Variants in EPB41L1 observed in about 807,000 individuals in gnomAD.
EPB41L1 encodes the protein band 4.1-like protein 1.
Under a neutral mutation model 97.8 loss-of-function variants are expected in EPB41L1, and 29 were observed. The ratio of observed to expected loss-of-function variants is 0.30; its 90% CI spans 0.22 to 0.40. The LOEUF (loss-of-function observed/expected upper bound fraction) is 0.40. Among genes scored for constraint, EPB41L1 ranks in the 10% least tolerant of loss-of-function variants. The pLI is 1.00. For synonymous variants in EPB41L1, 383 were observed against 459.2 expected, an observed-to-expected ratio of 0.83 and a Z score of 2.12; for missense variants, 812 against 1,162.3, an observed-to-expected ratio of 0.70 and a Z score of 4.38.
At chr20:36,124,925 G>A (rs1422191662) in intron 2 of EPB41L1, among the ~76,000 whole-genome samples, 4 of 152,138 alleles carry the variant, frequency 2.6e-5, no homozygotes, top group African/African-American at 9.7e-5. Context: ...TGCATACATG[G>A]TGGGTAGGGG....
At chr20:36,222,961 A>G (rs375042030) in intron 21 of EPB41L1, among the ~76,000 whole-genome samples, 3 of 152,282 alleles carry the variant, frequency 2.0e-5, no homozygotes, top group African/African-American at 4.8e-5. Context: ...CAGTGGTACA[A>G]TCTTGACTCA....
At chr20:36,211,689 A>C (rs1397064070) in intron 15 of EPB41L1, among the ~76,000 whole-genome samples, 1 of 152,310 alleles carries the variant, frequency 6.6e-6, no homozygotes, top group South Asian at 2.1e-4. Flanking sequence ...CCCCGTCTCT[A>C]CTAAAAATAC....
At chr20:36,184,094 G>A (rs1032660851) in intron 6 of EPB41L1, among the ~76,000 whole-genome samples, 2 of 152,120 alleles carry the variant, frequency 1.3e-5, no homozygotes, top group Non-Finnish European at 2.9e-5. Context: ...AATTAGCTGG[G>A]CGTGGTGGCA....
chr20:36,199,767 G>T (rs943538263), intron 14 of EPB41L1, among the ~76,000 whole-genome samples: 1 of 152,148 alleles, frequency 6.6e-6, no homozygotes, highest in Non-Finnish European at 1.5e-5. Context: ...CCTGATGTGG[G>T]CTGGCCAAGC....
At chr20:36,176,340 C>G (rs1444293914) in intron 3 of EPB41L1, among the ~76,000 whole-genome samples, 1 of 152,204 alleles carries the variant, frequency 6.6e-6, no homozygotes, top group Admixed American at 6.5e-5. Context: ...GTCTCCTTTT[C>G]CTATATAGGT....
At chr20:36,140,402 T>A (rs982300113) in intron 2 of EPB41L1, among the ~76,000 whole-genome samples, 3 of 152,228 alleles carry the variant, frequency 2.0e-5, no homozygotes, top group African/African-American at 7.2e-5. Context: ...GACATGGTAG[T>A]CAAAGTATAC....
At chr20:36,104,421 C>T (rs2058123183) in intron 1 of EPB41L1, among the ~76,000 whole-genome samples, 1 of 152,180 alleles carries the variant, frequency 6.6e-6, no homozygotes, top group Non-Finnish European at 1.5e-5. Context: ...CCGGATGGAG[C>T]AGGAACTTCA....
intron 2 of EPB41L1, among the ~76,000 whole-genome samples, chr20:36,142,825 C>G (rs979254281): frequency 6.3e-4 from 96 of 152,186 alleles, no homozygotes; most frequent in Non-Finnish European, 1.5e-4. Flanking sequence ...TGCACTGGCT[C>G]AGGCCTGGCA....
In EPB41L1 at chr20:36,218,864, T is replaced by C. The variant is rs200723874; in HGVS notation, c.2269-12T>C. The stretch of plus-strand genomic sequence containing the variant: ...CTGAGAGCTGGCCATCTGAGCACTA[T>C]TGTTTCCCCAGGAGAACAGTCTCAA... On this transcript the variant is annotated splice_polypyrimidine_tract_variant and intron_variant, in intron 17 of 21. Transcript: ENST00000338074. The C allele has an allele frequency of 6.1e-4, 977 of 1,613,940 alleles. 5 individuals are homozygous for C. The African/African-American group carries it at 0.012, about 19-fold the overall frequency.
intron 2 of EPB41L1, among the ~76,000 whole-genome samples, chr20:36,139,541 A>G (rs1040634664): frequency 6.6e-6 from 1 of 152,188 alleles, no homozygotes; most frequent in African/African-American, 2.4e-5. Flanking sequence ...ATAGAGTCAC[A>G]GCTTGTCTAT....
chr20:36,173,455 T>C (rs1274481285), intron 1 of EPB41L1, among the ~76,000 whole-genome samples: 1 of 152,188 alleles, frequency 6.6e-6, no homozygotes, highest in Non-Finnish European at 1.5e-5. Flanking sequence ...GGCAGCCCCG[T>C]GTGCTCCTGG....
intron 21 of EPB41L1, among the ~76,000 whole-genome samples, chr20:36,228,615 C>T (rs996634189): frequency 1.3e-5 from 2 of 152,134 alleles, no homozygotes; most frequent in Non-Finnish European, 2.9e-5. Context: ...AGAAACTCAC[C>T]CAAGATTACA....
intron 14 of EPB41L1, chr20:36,205,955 C>G: frequency 7.8e-7 from 1 of 1,289,908 alleles, no homozygotes; most frequent in South Asian, 1.2e-5. Flanking sequence ...GCAGGCCTTG[C>G]TGGTATCCTT....
At chr20:36,157,905 G>A (rs949229180) in intron 1 of EPB41L1, among the ~76,000 whole-genome samples, 6 of 152,318 alleles carry the variant, frequency 3.9e-5, no homozygotes, top group Admixed American at 3.9e-4. Flanking sequence ...GGGTGGAGCA[G>A]GCTGGCACTG....
At chr20:36,175,403 C>T in intron 2 of EPB41L1, 148 bp from the exon 3 acceptor site, 2 of 873,028 alleles carry the variant, frequency 2.3e-6, no homozygotes, top group South Asian at 1.5e-5. Flanking sequence ...CAGCCATGGA[C>T]CCTAGTTGCC....
At chr20:36,149,843 G>T (rs912315926), upstream of EPB41L1, 1 of 152,330 alleles carries the variant, frequency 6.6e-6, no homozygotes, top group African/African-American at 2.4e-5. Context: ...GCTTGGCTTA[G>T]TGTCTTCTCC....
At chr20:36,100,972 G>T (rs981134419) in intron 1 of EPB41L1, among the ~76,000 whole-genome samples, 2 of 152,190 alleles carry the variant, frequency 1.3e-5, no homozygotes, top group Non-Finnish European at 1.5e-5. Context: ...GGTATGGGGG[G>T]TGGTGACAGG....
intron 1 of EPB41L1, among the ~76,000 whole-genome samples, chr20:36,169,221 CAAA>C (rs1351633399): frequency 6.8e-5 from 5 of 73,370 alleles, no homozygotes; most frequent in Non-Finnish European, 2.8e-5. Flanking sequence ...GACTCTGTCT[CAAA>C]AAAAAAAAAA....
rs542496686 is a variant in EPB41L1 at position 36,133,298 on chromosome 20, T to C, written c.-10+20818T>C. Among the ~76,000 whole-genome samples the C allele has an allele frequency of 3.0e-4, 45 of 152,368 alleles. 1 individual carries two copies. Among genetic ancestry groups the C allele is most frequent in the Middle Eastern group, 3.4e-3 (1 of 294 alleles). On this transcript the variant is annotated intron_variant, in intron 2 of 19. Transcript: ENST00000202028. ...CCACCATTTCTTCCCACCAAGCCCA[T>C]GCACAAAGTAAGAGCTTGTGTTTAG...
Sources: gnomAD v4.1 joint callset for allele counts (sites outside exome capture counted in the v4.1 genomes callset) on GRCh38, gnomAD v4.1.1 for gene constraint, MANE v1.5 for transcripts, NCBI Gene and HGNC (gene_info 2026-07-23, HGNC 2026-07-21) for gene names.